The following WWOX variants were observed in gnomAD, a reference collection of about 807,000 sequenced individuals.
WWOX encodes WW domain-containing oxidoreductase.
Under a neutral mutation model 46.2 loss-of-function variants are expected in WWOX, and 69 were observed. The ratio of observed to expected loss-of-function variants is 1.49; its 90% CI spans 1.23 to 1.82. WWOX has a LOEUF of 1.82. Ranked by LOEUF, WWOX falls within the 40% of genes most tolerant of loss-of-function variation. WWOX has a pLI of 0.00. For missense variants in WWOX, 919 were observed against 542.6 expected (o/e 1.69, Z -6.89); for synonymous variants, 359 against 202.6 (o/e 1.77, Z -6.56).
intron 8 of WWOX, chr16:78,891,185 C>G (rs1014145171): frequency 6.6e-6 from 1 of 152,128 alleles, no homozygotes; most frequent in Non-Finnish European, 1.5e-5. Context: ...TTCATATACC[C>G]TGTTTTTCAC....
chr16:78,716,984 G>C (rs139996931), intron 8 of WWOX, among the ~76,000 whole-genome samples: 1 of 152,252 alleles, frequency 6.6e-6, no homozygotes, highest in East Asian at 1.9e-4. Context: ...GTTCTCAGTC[G>C]TAAAATTAGG....
intron 8 of WWOX, among the ~76,000 whole-genome samples, chr16:78,917,188 G>T (rs1349969354): frequency 6.6e-6 from 1 of 152,162 alleles, no homozygotes; most frequent in Non-Finnish European, 1.5e-5. Context: ...TTGGAAGTCT[G>T]GCAAGTCTTG....
chr16:78,913,580 T>C (rs2045168098), intron 8 of WWOX, among the ~76,000 whole-genome samples: 1 of 151,956 alleles, frequency 6.6e-6, no homozygotes, highest in Non-Finnish European at 1.5e-5. Flanking sequence ...GAACTAGTTT[T>C]GGACTTGATG....
chr16:79,011,095 C>T (rs2550730), intron 8 of WWOX, among the ~76,000 whole-genome samples: 84,593 of 151,038 alleles, frequency 0.56, 26,257 homozygotes, highest in East Asian at 0.84. Context: ...TGTATCTTTA[C>T]ATATGATATG....
chr16:78,115,427 G>C (rs972689777), intron 4 of WWOX, among the ~76,000 whole-genome samples: 1 of 152,142 alleles, frequency 6.6e-6, no homozygotes, highest in African/African-American at 2.4e-5. Flanking sequence ...AACAGGCTCC[G>C]TCTAAGAGTT....
intron 8 of WWOX, among the ~76,000 whole-genome samples, chr16:78,451,223 G>T (rs2083684138): frequency 6.6e-6 from 1 of 152,276 alleles, no homozygotes; most frequent in South Asian, 2.1e-4. Flanking sequence ...TCCTGACCAG[G>T]GATGGGTCCT....
At chr16:78,912,570 A>G (rs898478910) in intron 8 of WWOX, among the ~76,000 whole-genome samples, 2 of 152,158 alleles carry the variant, frequency 1.3e-5, no homozygotes, top group South Asian at 4.1e-4. Flanking sequence ...CAGCAGGGTT[A>G]TATCCCCAGC....
intron 8 of WWOX, among the ~76,000 whole-genome samples, chr16:79,015,498 T>G (rs1001989111): frequency 5.3e-5 from 8 of 152,296 alleles, no homozygotes; most frequent in Non-Finnish European, 1.2e-4. Flanking sequence ...CTATAACGTC[T>G]TTATTTCTTT....
intron 8 of WWOX, among the ~76,000 whole-genome samples, chr16:78,607,769 T>C (rs1487954760): frequency 6.6e-6 from 1 of 151,980 alleles, no homozygotes; most frequent in African/African-American, 2.4e-5. Flanking sequence ...GGGTGTTTCA[T>C]TGCATTTTCA....
intron 8 of WWOX, among the ~76,000 whole-genome samples, chr16:78,760,362 T>A (rs993737286): frequency 2.0e-5 from 3 of 152,220 alleles, no homozygotes; most frequent in African/African-American, 7.2e-5. Context: ...GAGATTTGGA[T>A]GGGGACACAG....
At chr16:78,875,743 C>G (rs901384432) in intron 8 of WWOX, among the ~76,000 whole-genome samples, 2 of 152,224 alleles carry the variant, frequency 1.3e-5, no homozygotes, top group African/African-American at 4.8e-5. Context: ...TGTGTCTACC[C>G]TTTCAACTGG....
At chr16:78,820,223 G>T (rs1206769929) in intron 8 of WWOX, among the ~76,000 whole-genome samples, 1 of 152,132 alleles carries the variant, frequency 6.6e-6, no homozygotes, top group African/African-American at 2.4e-5. Context: ...AGCAAGAACA[G>T]TCATGGACAC....
At chr16:78,835,854 T>C (rs891659608) in intron 8 of WWOX, among the ~76,000 whole-genome samples, 1 of 152,222 alleles carries the variant, frequency 6.6e-6, no homozygotes, top group Non-Finnish European at 1.5e-5. Flanking sequence ...CAAATCTGAA[T>C]TCAACATATT....
chr16:79,069,320 C>G (rs923286641), intron 8 of WWOX, among the ~76,000 whole-genome samples: 4 of 152,198 alleles, frequency 2.6e-5, no homozygotes, highest in African/African-American at 7.2e-5. Context: ...TTAATCACCA[C>G]CAAGCCAACA....
chr16:78,212,680 A>G (rs2036594304), intron 5 of WWOX, among the ~76,000 whole-genome samples: 1 of 152,190 alleles, frequency 6.6e-6, no homozygotes, highest in African/African-American at 2.4e-5. Context: ...AGGACGCAAG[A>G]TTTAGGATAG....
At chr16:78,379,998 A>G (rs1301188718) in intron 5 of WWOX, among the ~76,000 whole-genome samples, 1 of 152,202 alleles carries the variant, frequency 6.6e-6, no homozygotes, top group Admixed American at 6.5e-5. Flanking sequence ...AGTGTTAATG[A>G]GTACATGAAT....
At chr16:78,957,121 A>G (rs186227943) in intron 8 of WWOX, among the ~76,000 whole-genome samples, 1 of 152,308 alleles carries the variant, frequency 6.6e-6, no homozygotes, top group East Asian at 1.9e-4. Flanking sequence ...CCCACTTTAT[A>G]TGCAGAAGGT....
chr16:79,049,759 T>C (rs1391693977), intron 8 of WWOX, among the ~76,000 whole-genome samples: 1 of 146,840 alleles, frequency 6.8e-6, no homozygotes, highest in East Asian at 2.0e-4. Flanking sequence ...TGCTTGAACC[T>C]GGGAGGTGGA....
At chr16:79,126,732 T>C (rs1365050686) in intron 8 of WWOX, among the ~76,000 whole-genome samples, 1 of 152,192 alleles carries the variant, frequency 6.6e-6, no homozygotes, top group African/African-American at 2.4e-5. Context: ...GAGGGGTCAG[T>C]GGTGGACCCT....
Sources: allele counts gnomAD v4.1 joint callset (sites outside exome capture counted in the v4.1 genomes callset), GRCh38; gene constraint gnomAD v4.1.1; transcripts MANE v1.5; gene names NCBI Gene and HGNC (gene_info 2026-07-23, HGNC 2026-07-21).